The following PHACTR4 variants were observed in gnomAD, a reference collection of about 807,000 sequenced individuals.
The protein encoded by PHACTR4 is phosphatase and actin regulator 4.
In PHACTR4, 51 loss-of-function variants were observed where a neutral mutation model predicts 72.7. The ratio of observed to expected loss-of-function variants is 0.70; its 90% CI spans 0.56 to 0.89. The LOEUF (loss-of-function observed/expected upper bound fraction) is 0.89, where lower values mean the gene tolerates loss of function less well. Ranked by LOEUF, PHACTR4 falls within the 40% of genes least tolerant of loss-of-function variation. The pLI, the probability that PHACTR4 is intolerant of heterozygous loss-of-function variation, is 0.00. For synonymous variants in PHACTR4, 255 were observed against 302.5 expected (o/e 0.84, Z 1.63); for missense variants, 731 against 861.8 (o/e 0.85, Z 1.90).
chr1:28,419,750 T>C (rs1655390739), intron 2 of PHACTR4, among the ~76,000 whole-genome samples: 1 of 152,202 alleles, frequency 6.6e-6, no homozygotes, highest in Admixed American at 6.5e-5. Flanking sequence ...ATAATGTATT[T>C]TTATTCTTAA....
chr1:28,411,571 C>G (rs1053946275), intron 2 of PHACTR4, among the ~76,000 whole-genome samples: 7 of 151,962 alleles, frequency 4.6e-5, no homozygotes, highest in Admixed American at 4.6e-4. Context: ...TGTCATTTGA[C>G]AAAGAAAAGA....
In PHACTR4 at chr1:28,475,024, A is replaced by G. The variant is rs1439024110; in HGVS notation, c.1421+873A>G. ...GGAGTCAGTGGTGCAGTCTTGGCTC[A>G]CTGCAACCTCCATCTCCTGGGCTCA... On this transcript the variant is annotated intron_variant, in intron 7 of 13. Coordinates refer to ENST00000373839, the MANE Select transcript of PHACTR4 (RefSeq NM_001048183.3). Among the ~76,000 whole-genome samples, 3 of 151,980 alleles carry G rather than the reference A, an allele frequency of 2.0e-5. No homozygotes were observed. In the East Asian group the frequency reaches 5.8e-4, roughly 29 times the overall value.
intron 4 of PHACTR4, among the ~76,000 whole-genome samples, chr1:28,462,989 A>C (rs1658921412): frequency 6.6e-6 from 1 of 152,158 alleles, no homozygotes; most frequent in Non-Finnish European, 1.5e-5. Context: ...CCTTGAACTC[A>C]GTAGTTCCAG....
intron 7 of PHACTR4, among the ~76,000 whole-genome samples, chr1:28,475,587 T>C (rs1163764322): frequency 6.6e-6 from 1 of 152,168 alleles, no homozygotes; most frequent in East Asian, 1.9e-4. Flanking sequence ...GCCTAATAAG[T>C]GGTAAAGCTG....
chr1:28,463,034 A>C (rs1331491872), intron 4 of PHACTR4, among the ~76,000 whole-genome samples: 1 of 152,058 alleles, frequency 6.6e-6, no homozygotes, highest in Admixed American at 6.6e-5. Flanking sequence ...CCTCATCTCT[A>C]TAAAAGATTT....
At chr1:28,427,877 CAAT>C (rs1209798043) in intron 2 of PHACTR4, among the ~76,000 whole-genome samples, 1 of 152,170 alleles carries the variant, frequency 6.6e-6, no homozygotes. Flanking sequence ...TGTGGTTTCT[CAAT>C]AATTATAATC....
At chr1:28,394,362 A>G (rs1026617006) in intron 1 of PHACTR4, among the ~76,000 whole-genome samples, 3 of 151,790 alleles carry the variant, frequency 2.0e-5, no homozygotes, top group Non-Finnish European at 4.4e-5. Context: ...GGAAAGGAAG[A>G]AAGAAAAAAA....
chr1:28,487,447 G>A (rs1028994090), intron 9 of PHACTR4, among the ~76,000 whole-genome samples: 8 of 150,156 alleles, frequency 5.3e-5, no homozygotes, highest in South Asian at 2.1e-4. Context: ...CCTAGGAGGT[G>A]GAGCTGCAGT....
intron 8 of PHACTR4, among the ~76,000 whole-genome samples, chr1:28,479,552 C>A (rs1308758186): frequency 6.9e-6 from 1 of 144,878 alleles, no homozygotes; most frequent in Non-Finnish European, 1.5e-5. Context: ...CACTGCACTG[C>A]AACCTGGGCA....
chr1:28,489,064 A>G lies in PHACTR4; in HGVS notation c.1761-106A>G. 8.4e-6 allele frequency: 6 copies of G among 710,814 alleles called. No individual in the cohort carries two copies. In the South Asian group the frequency reaches 1.2e-4, roughly 14 times the overall value. The allele number at this position is 710,814 out of a possible 1,614,324, so 44.0% of individuals were successfully genotyped here. A position where few individuals can be genotyped will look rare whatever the true frequency, so the allele number is the denominator to read the frequency against. On this transcript the variant is annotated intron_variant, in intron 9 of 13. Transcript: ENST00000373839. ...AATATATCAGTTTGAAAATTTGTTG[A>G]TTTCTTACTTATATAGGGGCTAATA... is the stretch of plus-strand genomic sequence containing the variant.
chr1:28,381,792 A>T (rs1652189889), intron 1 of PHACTR4, among the ~76,000 whole-genome samples: 1 of 151,920 alleles, frequency 6.6e-6, no homozygotes, highest in South Asian at 2.1e-4. Flanking sequence ...TTTCTTTTTG[A>T]GACAGAGTCT....
intron 1 of PHACTR4, among the ~76,000 whole-genome samples, chr1:28,386,198 AT>A (rs1219770185): frequency 3.3e-5 from 5 of 151,958 alleles, no homozygotes; most frequent in Admixed American, 6.6e-5. Context: ...GATTCAAACA[AT>A]TCTCCTGCCT....
At chr1:28,451,109 C>T (rs1461452111) in intron 2 of PHACTR4, among the ~76,000 whole-genome samples, 4 of 151,390 alleles carry the variant, frequency 2.6e-5, no homozygotes, top group African/African-American at 4.9e-5. Flanking sequence ...CACGAGCCAC[C>T]GCACCCAGCC....
At chr1:28,455,802 G>A (rs1379040589) in intron 2 of PHACTR4, among the ~76,000 whole-genome samples, 2 of 152,138 alleles carry the variant, frequency 1.3e-5, no homozygotes, top group Non-Finnish European at 2.9e-5. Context: ...GAAGGAAGGA[G>A]GGAGAATATG....
At chr1:28,417,032 C>T (rs1655146970) in intron 2 of PHACTR4, among the ~76,000 whole-genome samples, 1 of 151,432 alleles carries the variant, frequency 6.6e-6, no homozygotes, top group Non-Finnish European at 1.5e-5. Context: ...AATTTTCTTT[C>T]TTGCTTTTTT....
intron 2 of PHACTR4, among the ~76,000 whole-genome samples, chr1:28,414,427 CAAAAA>C (rs765271793): frequency 6.5e-4 from 40 of 61,252 alleles, no homozygotes; most frequent in African/African-American, 1.7e-3. Context: ...TCCTCTGTCT[CAAAAA>C]AAAAAAAAAA....
chr1:28,474,947 A>T (rs1659829963), intron 7 of PHACTR4, among the ~76,000 whole-genome samples: 1 of 151,434 alleles, frequency 6.6e-6, no homozygotes, highest in African/African-American at 2.4e-5. Flanking sequence ...ATTTTTATTT[A>T]TTTATTTATT....
intron 2 of PHACTR4, among the ~76,000 whole-genome samples, chr1:28,421,225 G>A (rs746152025): frequency 1.3e-5 from 2 of 152,088 alleles, no homozygotes; most frequent in Non-Finnish European, 2.9e-5. Context: ...TGTTTGAAAC[G>A]TCAATGAAAC....
At chr1:28,495,308 A>G (rs1265414004) in intron 13 of PHACTR4, among the ~76,000 whole-genome samples, 1 of 151,926 alleles carries the variant, frequency 6.6e-6, no homozygotes, top group African/African-American at 2.4e-5. Flanking sequence ...GGGTCTCACT[A>G]TGTTTCCCAG....
Sources: gnomAD v4.1 joint callset for allele counts (sites outside exome capture counted in the v4.1 genomes callset) on GRCh38, gnomAD v4.1.1 for gene constraint, MANE v1.5 for transcripts, NCBI Gene and HGNC (gene_info 2026-07-23, HGNC 2026-07-21) for gene names.